Variants in TENM2 observed in about 807,000 individuals in gnomAD.
The protein encoded by TENM2 is teneurin-2.
Under a neutral mutation model 245.2 loss-of-function variants are expected in TENM2, and 52 were observed. That is an observed-to-expected ratio of 0.21 (90% CI 0.17 to 0.27). The LOEUF is 0.27. TENM2 is among the 10% of genes least tolerant of loss of function. TENM2 has a pLI of 1.00. For missense variants in TENM2, 3,046 were observed against 3,666.8 expected (o/e 0.83, Z 4.37); for synonymous variants, 1,363 against 1,438.9 (o/e 0.95, Z 1.19).
chr5:167,477,723 A>G (rs1767485001), intron 2 of TENM2, among the ~76,000 whole-genome samples: 1 of 152,136 alleles, frequency 6.6e-6, no homozygotes, highest in African/African-American at 2.4e-5. Context: ...TATATTTTTA[A>G]TATCACTTTT....
intron 2 of TENM2, among the ~76,000 whole-genome samples, chr5:167,775,372 CAGTT>C (rs1347803477): frequency 6.6e-6 from 1 of 152,074 alleles, no homozygotes; most frequent in African/African-American, 2.4e-5. Context: ...TTTCCCATCA[CAGTT>C]GGAAAAAAAT....
the TENM2 span, among the ~76,000 whole-genome samples, chr5:167,130,049 T>C: frequency 0.027 from 4,100 of 152,276 alleles, 161 homozygotes; most frequent in African/African-American, 0.092. Context: ...TATGGGATTT[T>C]GAATTTTCTT....
intron 2 of TENM2, among the ~76,000 whole-genome samples, chr5:167,406,725 C>A (rs949941887): frequency 2.4e-4 from 36 of 152,146 alleles, no homozygotes; most frequent in African/African-American, 7.0e-4. Flanking sequence ...AAAATCTAGA[C>A]ATTCCTGACT....
At chr5:168,136,376 G>A (rs889994053) in intron 12 of TENM2, among the ~76,000 whole-genome samples, 77 of 152,144 alleles carry the variant, frequency 5.1e-4, no homozygotes, top group South Asian at 2.1e-4. Context: ...AACCCAATCT[G>A]ATTTTACAAG....
At chr5:167,246,412 A>G in the TENM2 span, among the ~76,000 whole-genome samples, 1 of 152,112 alleles carries the variant, frequency 6.6e-6, no homozygotes, top group Non-Finnish European at 1.5e-5. Context: ...TGTTTTTATA[A>G]ATTACATAGA....
chr5:167,656,083 C>T (rs1754821884), intron 2 of TENM2, among the ~76,000 whole-genome samples: 1 of 152,122 alleles, frequency 6.6e-6, no homozygotes, highest in Non-Finnish European at 1.5e-5. Flanking sequence ...GAATTACTTG[C>T]TAGTGGGAAT....
At chr5:167,442,493 C>T (rs1190551363) in intron 2 of TENM2, among the ~76,000 whole-genome samples, 1 of 151,854 alleles carries the variant, frequency 6.6e-6, no homozygotes, top group Non-Finnish European at 1.5e-5. Context: ...AAGTTCCCAC[C>T]AGCAGCCTAG....
chr5:167,272,438 G>C, the TENM2 span, among the ~76,000 whole-genome samples: 432 of 152,238 alleles, frequency 2.8e-3, 13 homozygotes, highest in East Asian at 0.056. Context: ...TTATCAGAAG[G>C]AAGACAGGTT....
the TENM2 span, among the ~76,000 whole-genome samples, chr5:167,111,171 G>A: frequency 6.6e-6 from 1 of 151,984 alleles, no homozygotes; most frequent in Non-Finnish European, 1.5e-5. Flanking sequence ...TTTATATTTT[G>A]TTTTATTTAG....
At chr5:167,701,216 C>T (rs991890195) in intron 2 of TENM2, among the ~76,000 whole-genome samples, 1 of 152,198 alleles carries the variant, frequency 6.6e-6, no homozygotes, top group African/African-American at 2.4e-5. Context: ...CCAGTCATTA[C>T]ATCTCCCCCA....
chr5:167,755,332 C>T (rs1762239317), intron 2 of TENM2: 3 of 599,566 alleles, frequency 5.0e-6, no homozygotes, highest in South Asian at 2.7e-5. Context: ...TATTTGATTT[C>T]GCACCGCAGT....
chr5:167,629,240 A>G (rs1030943502), intron 2 of TENM2, among the ~76,000 whole-genome samples: 1 of 152,180 alleles, frequency 6.6e-6, no homozygotes, highest in African/African-American at 2.4e-5. Flanking sequence ...CTGGTTTACT[A>G]CTTTCTAGAT....
At chr5:167,131,164 G>A in the TENM2 span, among the ~76,000 whole-genome samples, 2 of 152,082 alleles carry the variant, frequency 1.3e-5, no homozygotes, top group South Asian at 2.1e-4. Context: ...AACATTCTCT[G>A]ATGGGTTGGA....
At chr5:167,061,505 G>C in the TENM2 span, among the ~76,000 whole-genome samples, 348 of 152,242 alleles carry the variant, frequency 2.3e-3, 5 homozygotes, top group East Asian at 0.037. Flanking sequence ...TATGCTCAAG[G>C]GTTGATGAAA....
chr5:167,514,399 A>G (rs191928406), intron 2 of TENM2, among the ~76,000 whole-genome samples: 338 of 152,288 alleles, frequency 2.2e-3, no homozygotes, highest in Middle Eastern at 6.8e-3. Flanking sequence ...TAATTTCAGG[A>G]CATGGCTATG....
At chr5:167,055,203 T>A in the TENM2 span, among the ~76,000 whole-genome samples, 1 of 152,156 alleles carries the variant, frequency 6.6e-6, no homozygotes, top group East Asian at 1.9e-4. Context: ...ATAACTTTTG[T>A]GAAGGGCACA....
At chr5:167,666,452 A>C (rs1390388863) in intron 2 of TENM2, among the ~76,000 whole-genome samples, 1 of 152,216 alleles carries the variant, frequency 6.6e-6, no homozygotes, top group Non-Finnish European at 1.5e-5. Flanking sequence ...CAGTTGCTTC[A>C]TCTGCAGAAT....
At chr5:167,724,516 T>C (rs1274023409) in intron 2 of TENM2, among the ~76,000 whole-genome samples, 1 of 152,000 alleles carries the variant, frequency 6.6e-6, no homozygotes, top group Non-Finnish European at 1.5e-5. Flanking sequence ...TTTCATTCTA[T>C]TGGGTGGAGG....
chr5:167,987,175 G>A (rs947393729), intron 4 of TENM2, among the ~76,000 whole-genome samples: 5 of 151,840 alleles, frequency 3.3e-5, no homozygotes, highest in Admixed American at 1.3e-4. Flanking sequence ...ACCTAAAGAC[G>A]CCCACATCCA....
Sources: allele counts gnomAD v4.1 joint callset (sites outside exome capture counted in the v4.1 genomes callset), GRCh38; gene constraint gnomAD v4.1.1; transcripts MANE v1.5; gene names NCBI Gene and HGNC (gene_info 2026-07-23, HGNC 2026-07-21).